The following CENPF variants were observed in gnomAD, a reference collection of about 807,000 sequenced individuals.
CENPF encodes the protein AH antigen.
CENPF carries 214 observed loss-of-function variants against 307.3 expected under a neutral mutation model. That is an observed-to-expected ratio of 0.70 (90% CI 0.62 to 0.78). The LOEUF (loss-of-function observed/expected upper bound fraction) is 0.78, where lower values mean the gene tolerates loss of function less well. Among genes scored for constraint, CENPF ranks in the 30% least tolerant of loss-of-function variants. CENPF has a pLI of 0.00. For missense variants in CENPF, 3,401 were observed against 3,483.9 expected (o/e 0.98, Z 0.60); for synonymous variants, 1,259 against 1,270.6 (o/e 0.99, Z 0.19).
intron 17 of CENPF, 97 bp from the exon 18 acceptor site, chr1:214,656,835 CA>C (rs983397358): frequency 1.4e-5 from 12 of 832,368 alleles, no homozygotes; most frequent in Admixed American, 2.4e-5. Flanking sequence ...AAAAAAAAAT[CA>C]AAGAAAGAAC....
rs1405667594 is a variant in CENPF, at chr1:214,657,034, A to G, written c.8587A>G (p.Lys2863Glu). ...CAAGGAGGCAGATGAATACTTGGATAAGTACTGTTCCTTGCTTATAAGCCA... is the reference window on the plus strand; with the variant it reads ...CAAGGAGGCAGATGAATACTTGGATGAGTACTGTTCCTTGCTTATAAGCCA... ...KTKEADEYLD[K>E]YCSLLISHEK... The change falls in exon 18 of 20, where the codon AAG becomes GAG. Residue 2863 changes from lysine to glutamate, a missense_variant. Lys to Glu is a moderately conservative substitution (Grantham distance 56, BLOSUM62 1). Transcript: ENST00000366955. 1 of 1,614,132 alleles carries G rather than the reference A, an allele frequency of 6.2e-7. No individual in the cohort carries two copies. Among genetic ancestry groups the G allele is most frequent in the Non-Finnish European group, 8.5e-7 (1 of 1,179,982 alleles).
chr1:214,642,410 G>A lies in CENPF; in HGVS notation c.4072G>A (p.Gly1358Ser). The A allele has an allele frequency of 6.2e-7, 1 of 1,602,398 alleles. No individual in the cohort carries two copies. Among genetic ancestry groups the A allele is most frequent in the Non-Finnish European group, 8.5e-7 (1 of 1,174,736 alleles). Residue 1358 changes from glycine (G) to serine (S), a missense_variant, in exon 12 of 20, where the codon GGT becomes AGT. Physicochemically the swap from Gly to Ser is moderately conservative, Grantham distance 56. Transcript: ENST00000366955. The stretch of plus-strand genomic sequence containing the variant: ...AAATGATGACAGTGGTCTTCTCCAT[G>A]GTGAGTTAGTGGAAGACATACCAGG... ...ILNDDSGLLHGELVEDIPGGE... is the reference protein window; with the variant it reads ...ILNDDSGLLHSELVEDIPGGE...
chr1:214,644,190 A>G (rs1489632424), intron 12 of CENPF, among the ~76,000 whole-genome samples: 16 of 152,380 alleles, frequency 1.1e-4, no homozygotes, highest in African/African-American at 3.6e-4. Context: ...TGAAGGTGGA[A>G]GCTGAGCATT....
In CENPF at chr1:214,641,040, A is replaced by C. The variant is rs757110268; in HGVS notation, c.2702A>C (p.Glu901Ala). The C allele has an allele frequency of 7.0e-6, 11 of 1,565,724 alleles. No individual in the cohort carries two copies. The highest frequency in any genetic ancestry group is 1.7e-4 in the Middle Eastern group (1 of 5,820). The change falls in exon 12 of 20, where the codon GAA becomes GCA. Residue 901 changes from glutamate to alanine, a missense_variant. Coordinates refer to ENST00000366955, the MANE Select transcript of CENPF (RefSeq NM_016343.4). ...TCTGCTCACCAGAATGTTGTTGCTG[A>C]AACCTTAAGTGCCCTTGAGAACAAG... ...DTSAHQNVVA[E>A]TLSALENKEK...
In CENPF at chr1:214,659,203, CAG is replaced by C. The variant is rs1321084156; in HGVS notation, c.9141+176_9141+177del. ...AGTGACCGGGTGAGCATTACAGTAT[CAG>C]GGTACATGATCTCATCCTTCAGTCA... is the stretch of plus-strand genomic sequence containing the variant. On this transcript the variant is annotated intron_variant, in intron 19 of 19. Transcript: ENST00000366955. The surrounding 1 kb of genome is among the most constrained non-coding windows in gnomAD (Gnocchi z 4.4). Among the ~76,000 whole-genome samples the C allele has an allele frequency of 3.3e-5, 5 of 152,126 alleles. No homozygotes were observed. The highest frequency in any genetic ancestry group is 7.2e-5 in the African/African-American group (3 of 41,412).
intron 17 of CENPF, 75 bp downstream of exon 17, chr1:214,655,478 T>C: frequency 8.1e-7 from 1 of 1,230,202 alleles, no homozygotes; most frequent in Non-Finnish European, 1.1e-6. Flanking sequence ...TATGCGTGCA[T>C]AGGAACTATT....
At chr1:214,653,551 T>G (rs918473697) in intron 16 of CENPF, 11 of 154,428 alleles carry the variant, frequency 7.1e-5, no homozygotes, top group African/African-American at 2.7e-4. Context: ...TAATTCTACC[T>G]GGAAAAGGAG....
At chr1:214,624,971 G>C (rs1479993817) in intron 7 of CENPF, among the ~76,000 whole-genome samples, 3 of 151,628 alleles carry the variant, frequency 2.0e-5, no homozygotes, top group African/African-American at 7.3e-5. Flanking sequence ...TGTTGGTGAA[G>C]GCATATACAT....
In CENPF at chr1:214,660,846, G is replaced by A. The variant is rs150165361; in HGVS notation, c.9141+1818G>A. ...CTGATTTGCAATCTGAGTTCTGTGAGGTTACTGATTACATCTATAGTTTAT... is the reference window on the plus strand; with the variant it reads ...CTGATTTGCAATCTGAGTTCTGTGAAGTTACTGATTACATCTATAGTTTAT... On this transcript the variant is annotated intron_variant, in intron 19 of 19. Transcript: ENST00000366955. Among the ~76,000 whole-genome samples, 706 of 152,286 alleles carry A rather than the reference G, an allele frequency of 4.6e-3. 9 individuals carry two copies. The highest frequency in any genetic ancestry group is 0.016 in the African/African-American group (681 of 41,552).
chr1:214,656,049 G>A (rs1658623769), intron 17 of CENPF, among the ~76,000 whole-genome samples: 1 of 152,160 alleles, frequency 6.6e-6, no homozygotes, highest in Admixed American at 6.5e-5. Context: ...CATCAGAATT[G>A]GCTTTGGTAA....
At position 214,642,659 on chromosome 1, in the gene CENPF, T is replaced by C; in HGVS notation, c.4321T>C (p.Ser1441Pro). 1 of 1,614,098 alleles carries C rather than the reference T, an allele frequency of 6.2e-7. No individual in the cohort carries two copies. ...GTCAGAGCTGCAGACCTATGTTGAC[T>C]CATTAAAGGCCGAAAATTTGGTCTT... ...KMSELQTYVD[S>P]LKAENLVLST... The change falls in exon 12 of 20, where the codon TCA (serine) becomes CCA (proline). Residue 1441 changes from serine to proline, a missense_variant. Physicochemically the swap from Ser to Pro is moderately conservative, Grantham distance 74. Coordinates refer to ENST00000366955, the MANE Select transcript of CENPF (RefSeq NM_016343.4).
chr1:214,657,308 C>T lies in CENPF; in HGVS notation c.8861C>T (p.Ser2954Phe). 6.2e-7 allele frequency: 1 copy of T among 1,613,942 alleles called. No homozygotes were observed. The highest frequency in any genetic ancestry group is 8.5e-7 in the Non-Finnish European group (1 of 1,179,984). The change falls in exon 18 of 20, where the codon TCT (serine) becomes TTT (phenylalanine). Residue 2954 changes from serine (S) to phenylalanine (F), a missense_variant. Ser to Phe is a radical substitution (Grantham distance 155). Transcript: ENST00000366955. ...GPTPATPESF[S>F]KKSKKAVMSG... ...ACACCTGCTACCCCAGAGAGCTTTT[C>T]TAAAAAAAGCAAGAAAGCAGTCATG...
Position 214,636,194 on chromosome 1 carries a change from T to A in CENPF, c.1447-1672T>A, listed in dbSNP as rs183562500. ...TTGCCCCTGTCAAAGTGCTTTAAGA[T>A]GTTTGTCCTTTCACATCTGTGATCT... On this transcript the variant is annotated intron_variant, in intron 10 of 19. Coordinates refer to ENST00000366955, the MANE Select transcript of CENPF (RefSeq NM_016343.4). Among the ~76,000 whole-genome samples, 4 of 152,324 alleles carry A rather than the reference T, an allele frequency of 2.6e-5. No homozygotes were observed. The East Asian group carries it at 7.7e-4, about 29-fold the overall frequency.
Position 214,637,997 on chromosome 1 carries a change from G to T in CENPF, c.1578G>T (p.Met526Ile), listed in dbSNP as rs1658008890. 1 of 1,608,306 alleles carries T rather than the reference G, an allele frequency of 6.2e-7. No individual in the cohort carries two copies. ...LNQSQNFAEE[M>I]KAKNTSQETM... is the part of the protein sequence containing the mutation. ...AGAGCCAGAATTTTGCAGAAGAAAT[G>T]AAAGGTAAGTAAACTTAGTATTTTA... The change falls in exon 11 of 20, where the codon ATG becomes ATT. Residue 526 changes from methionine (M) to isoleucine (I), a missense_variant. Met to Ile is a conservative substitution (Grantham distance 10). Transcript: ENST00000366955.
intron 14 of CENPF, among the ~76,000 whole-genome samples, chr1:214,649,148 T>C (rs888407886): frequency 6.6e-6 from 1 of 152,206 alleles, no homozygotes; most frequent in Non-Finnish European, 1.5e-5. Flanking sequence ...AACAAGTTTA[T>C]CTGCCTCCCT....
In CENPF at chr1:214,647,323, G is replaced by A. The variant is rs62636591; in HGVS notation, c.7753G>A (p.Val2585Met). Residue 2585 changes from valine to methionine, a missense_variant, in exon 13 of 20, where the codon GTG becomes ATG. Transcript: ENST00000366955. ...KNASLQDTLE[V>M]LQSSYKNLEN... is the part of the protein sequence containing the mutation. The stretch of plus-strand genomic sequence containing the variant: ...TGCCTCTTTGCAGGACACATTAGAA[G>A]TGCTGCAGAGTTCTTACAAGAATCT... The A allele has an allele frequency of 8.5e-4, 1,366 of 1,613,930 alleles. 9 individuals are homozygous for A. In the African/African-American group the frequency reaches 0.016, roughly 19 times the overall value.
intron 5 of CENPF, 120 bp downstream of exon 5, chr1:214,619,340 G>T: frequency 3.7e-6 from 2 of 539,518 alleles, no homozygotes; most frequent in South Asian, 3.2e-5. Flanking sequence ...GTGTGTGTGT[G>T]CTGAGAAAAG....
At position 214,644,828 on chromosome 1, in the gene CENPF, G is replaced by A; in HGVS notation, c.5258G>A (p.Gly1753Asp). 1 of 1,614,020 alleles carries A rather than the reference G, an allele frequency of 6.2e-7. No individual in the cohort carries two copies. The highest frequency in any genetic ancestry group is 8.5e-7 in the Non-Finnish European group (1 of 1,179,988). ...TGCATTTCTGAATTGTCATTTTCTGGTCCTAATGCTTTGGTACCTATGGAT... is the reference window on the plus strand; with the variant it reads ...TGCATTTCTGAATTGTCATTTTCTGATCCTAATGCTTTGGTACCTATGGAT... ...SECISELSFS[G>D]PNALVPMDFL... Residue 1753 changes from glycine to aspartate, a missense_variant, in exon 13 of 20, where the codon GGT (glycine) becomes GAT (aspartate). Gly to Asp is a moderately conservative substitution (Grantham distance 94). Coordinates refer to ENST00000366955, the MANE Select transcript of CENPF (RefSeq NM_016343.4).
At position 214,639,641 on chromosome 1, in the gene CENPF, C is replaced by T. The variant is rs1021773796; in HGVS notation, c.1583-280C>T. On this transcript the variant is annotated intron_variant, in intron 11 of 19. Coordinates refer to ENST00000366955, the MANE Select transcript of CENPF (RefSeq NM_016343.4). Reference sequence around the variant, plus strand: ...AAGAAACAGTGCTTAGGAAAATCATCCCTTGGTATTTTATTCAATAACATG... The same window carrying T: ...AAGAAACAGTGCTTAGGAAAATCATTCCTTGGTATTTTATTCAATAACATG... Among the ~76,000 whole-genome samples, 25 of 152,182 alleles carry T rather than the reference C, an allele frequency of 1.6e-4. 1 individual carries two copies. The highest frequency in any genetic ancestry group is 1.6e-3 in the Admixed American group (24 of 15,280).
Sources: allele counts gnomAD v4.1 joint callset (sites outside exome capture counted in the v4.1 genomes callset), GRCh38; gene constraint gnomAD v4.1.1; non-coding constraint Gnocchi (gnomAD v3.1); transcripts MANE v1.5; gene names NCBI Gene and HGNC (gene_info 2026-07-23, HGNC 2026-07-21).